The following PARD3B variants were observed in gnomAD, a reference collection of about 807,000 sequenced individuals.
PARD3B encodes the protein par-3 family cell polarity regulator beta, also known as partitioning defective 3 homolog B.
A neutral mutation model predicts 130.2 loss-of-function variants in PARD3B; 103 were observed. That is an observed-to-expected ratio of 0.79 (90% confidence interval 0.67 to 0.93). PARD3B has a LOEUF of 0.93. Among genes scored for constraint, PARD3B ranks in the 40% least tolerant of loss-of-function variants. The pLI, the probability that PARD3B is intolerant of heterozygous loss-of-function variation, is 0.00. For missense variants in PARD3B, 1,609 were observed against 1,499.2 expected, an observed-to-expected ratio of 1.07 and a Z score of -1.21; for synonymous variants, 583 against 553.2, an observed-to-expected ratio of 1.05 and a Z score of -0.76.
chr2:204,922,724 G>A (rs1450318210), intron 2 of PARD3B, among the ~76,000 whole-genome samples: 3 of 151,934 alleles, frequency 2.0e-5, no homozygotes, highest in African/African-American at 7.3e-5. Flanking sequence ...CTTCTCAAAG[G>A]AGTTGAGATA....
chr2:205,261,384 A>T (rs932518069), intron 16 of PARD3B, among the ~76,000 whole-genome samples: 1 of 152,178 alleles, frequency 6.6e-6, no homozygotes, highest in South Asian at 2.1e-4. Flanking sequence ...GTGTCTTTGC[A>T]GAATGAGTGA....
At chr2:205,139,584 G>A (rs1256163208) in intron 10 of PARD3B, among the ~76,000 whole-genome samples, 1 of 152,014 alleles carries the variant, frequency 6.6e-6, no homozygotes, top group African/African-American at 2.4e-5. Context: ...TACTATGTAG[G>A]CATGCAAGGA....
intron 4 of PARD3B, among the ~76,000 whole-genome samples, chr2:205,082,213 T>C (rs546312000): frequency 6.6e-6 from 1 of 152,274 alleles, no homozygotes; most frequent in African/African-American, 2.4e-5. Context: ...GTGTTCCCTT[T>C]TTCATTCTTG....
intron 19 of PARD3B, among the ~76,000 whole-genome samples, chr2:205,409,221 A>G (rs2046513916): frequency 6.6e-6 from 1 of 152,162 alleles, no homozygotes; most frequent in Non-Finnish European, 1.5e-5. Flanking sequence ...TGTGATTACT[A>G]TTGATGCTCG....
At chr2:205,581,359 G>T (rs1442483960) in intron 22 of PARD3B, among the ~76,000 whole-genome samples, 6 of 144,520 alleles carry the variant, frequency 4.2e-5, no homozygotes, top group African/African-American at 1.5e-4. Context: ...GTGTACGTGT[G>T]TGTACGTGTG....
chr2:205,356,270 T>C (rs1163045826), intron 18 of PARD3B, among the ~76,000 whole-genome samples: 1 of 152,254 alleles, frequency 6.6e-6, no homozygotes, highest in Non-Finnish European at 1.5e-5. Flanking sequence ...AAGCTGTTTG[T>C]ATATTCAGTA....
At chr2:205,204,861 A>G (rs914732246) in intron 15 of PARD3B, among the ~76,000 whole-genome samples, 1 of 152,036 alleles carries the variant, frequency 6.6e-6, no homozygotes, top group African/African-American at 2.4e-5. Context: ...GCCTTGTAGT[A>G]TAGTTTGAAG....
chr2:205,481,866 T>C (rs10172495), intron 20 of PARD3B, among the ~76,000 whole-genome samples: 127,457 of 152,168 alleles, frequency 0.84, 53,721 homozygotes, highest in Non-Finnish European at 0.89. Flanking sequence ...CAATTACGAG[T>C]CCAGAAAATA....
chr2:205,488,445 G>A (rs1046024178), intron 20 of PARD3B, among the ~76,000 whole-genome samples: 102 of 152,220 alleles, frequency 6.7e-4, no homozygotes, highest in Non-Finnish European at 4.7e-4. Context: ...TAAGCTCACC[G>A]GTTTCTAATA....
At chr2:204,771,209 G>T (rs1474908519) in intron 2 of PARD3B, among the ~76,000 whole-genome samples, 1 of 151,740 alleles carries the variant, frequency 6.6e-6, no homozygotes, top group Non-Finnish European at 1.5e-5. Flanking sequence ...TTTCAAAATG[G>T]GTTCCATTTT....
At position 205,352,448 on chromosome 2, in the gene PARD3B, G is replaced by A. The variant is rs930511904; in HGVS notation, c.2631-48565G>A. Among the ~76,000 whole-genome samples the A allele has an allele frequency of 6.6e-6, 1 of 152,142 alleles. No homozygotes were observed. Among genetic ancestry groups the A allele is most frequent in the African/African-American group, 2.4e-5 (1 of 41,418 alleles). On this transcript the variant is annotated intron_variant, in intron 18 of 22. Transcript: ENST00000406610. This position sits in a 1 kb window ranked among gnomAD's most constrained non-coding sequence, Gnocchi z 5.2. The stretch of plus-strand genomic sequence containing the variant: ...TAATTAACTTCACAGTTCTAAGTCA[G>A]ATCTATGCCAGTCACAGAATGAAAT...
chr2:205,007,689 T>C (rs1695384284), intron 3 of PARD3B, among the ~76,000 whole-genome samples: 1 of 152,314 alleles, frequency 6.6e-6, no homozygotes, highest in East Asian at 1.9e-4. Flanking sequence ...TTTGGTTCTA[T>C]GTAACTTTTA....
intron 3 of PARD3B, among the ~76,000 whole-genome samples, chr2:205,020,576 G>C (rs1290696336): frequency 6.6e-6 from 1 of 152,040 alleles, no homozygotes; most frequent in East Asian, 1.9e-4. Context: ...ACAAAGCAAG[G>C]GGAAGAGTTG....
chr2:205,301,809 C>T lies in PARD3B; in HGVS notation c.2630+108C>T. 6.6e-7 allele frequency: 1 copy of T among 1,521,494 alleles called. No homozygotes were observed. The highest frequency in any genetic ancestry group is 9.1e-7 in the Non-Finnish European group (1 of 1,095,766). 94.2% of individuals were successfully genotyped at this position (1,521,494 alleles called of 1,614,324 possible). ...AGCGCACGCTTTTCCTCGTCTTCAG[C>T]CAAATGCATACGGCTCTCAATTCTG... On this transcript the variant is annotated intron_variant, in intron 18 of 22. Transcript: ENST00000406610. This position sits in a 1 kb window ranked among gnomAD's most constrained non-coding sequence, Gnocchi z 5.2.
intron 2 of PARD3B, among the ~76,000 whole-genome samples, chr2:204,807,846 G>T (rs1430303164): frequency 6.6e-6 from 1 of 151,920 alleles, no homozygotes; most frequent in Admixed American, 6.6e-5. Context: ...GGGAAGGGTT[G>T]TGGGGGTTGG....
In PARD3B at chr2:205,530,749, G is replaced by T. The variant is rs1040314057; in HGVS notation, c.3181-22575G>T. On this transcript the variant is annotated intron_variant, in intron 21 of 22. Coordinates refer to ENST00000406610, the MANE Select transcript of PARD3B (RefSeq NM_001302769.2). This position sits in a 1 kb window ranked among gnomAD's most constrained non-coding sequence, Gnocchi z 4.7. ...GCACATGCTTCCACTGAGGACTAAA[G>T]CAATGAAAAATATCTTCCTGGATTG... Among the ~76,000 whole-genome samples, 2 of 152,068 alleles carry T rather than the reference G, an allele frequency of 1.3e-5. No homozygotes were observed. Among genetic ancestry groups the T allele is most frequent in the African/African-American group, 4.8e-5 (2 of 41,338 alleles).
At chr2:204,929,648 G>A (rs1164539609) in intron 2 of PARD3B, among the ~76,000 whole-genome samples, 1 of 150,608 alleles carries the variant, frequency 6.6e-6, no homozygotes, top group African/African-American at 2.4e-5. Flanking sequence ...TTTATAGATT[G>A]TCAGGTGATC....
chr2:204,694,587 T>A (rs1402549917), intron 2 of PARD3B, among the ~76,000 whole-genome samples: 3 of 152,080 alleles, frequency 2.0e-5, no homozygotes, highest in Non-Finnish European at 4.4e-5. Flanking sequence ...CTACGTTGTC[T>A]CTTTGAAATA....
chr2:205,406,679 TTTTTTTTTTA>T lies in PARD3B; in HGVS notation c.2741+5557_2741+5566del, dbSNP rs1210020735. Reference sequence around the variant, plus strand: ...TGTATCTTTTTTTTTTTTTTTTTTTTTTTTTTTTTAAAGACAGAGTCTCACTCTGTCACCA... The same window carrying T: ...TGTATCTTTTTTTTTTTTTTTTTTTTAAGACAGAGTCTCACTCTGTCACCA... On this transcript the variant is annotated intron_variant, in intron 19 of 22. Transcript: ENST00000406610. Among the ~76,000 whole-genome samples, 871 of 144,294 alleles carry T rather than the reference TTTTTTTTTTA, an allele frequency of 6.0e-3. 16 individuals are homozygous for T. Among genetic ancestry groups the T allele is most frequent in the African/African-American group, 0.021 (799 of 37,910 alleles). The allele number at this position is 144,294 out of a possible 152,430, so 94.7% of individuals were successfully genotyped here.
Sources: gnomAD v4.1 joint callset for allele counts (sites outside exome capture counted in the v4.1 genomes callset) on GRCh38, gnomAD v4.1.1 for gene constraint, Gnocchi (gnomAD v3.1) non-coding constraint, MANE v1.5 for transcripts, NCBI Gene and HGNC (gene_info 2026-07-23, HGNC 2026-07-21) for gene names.